Variants in GRIN2B observed in about 807,000 individuals in gnomAD.
GRIN2B encodes the protein glutamate ionotropic receptor NMDA type subunit 2B.
In GRIN2B, 5 loss-of-function variants were observed where a neutral mutation model predicts 114.5. The ratio of observed to expected loss-of-function variants is 0.04; its 90% CI spans 0.02 to 0.09. GRIN2B has a LOEUF of 0.09. Among genes scored for constraint, GRIN2B ranks in the 10% least tolerant of loss-of-function variants. The probability of loss-of-function intolerance (pLI) is 1.00; values close to 1 mark genes in which losing one functional copy is unlikely to be tolerated. For missense variants in GRIN2B, 1,108 were observed against 1,943.5 expected, an observed-to-expected ratio of 0.57 and a Z score of 8.08; for synonymous variants, 787 against 745.1, an observed-to-expected ratio of 1.06 and a Z score of -0.92.
chr12:13,972,437 G>T (rs1375674608), intron 2 of GRIN2B, among the ~76,000 whole-genome samples: 2 of 137,340 alleles, frequency 1.5e-5, no homozygotes, highest in African/African-American at 5.0e-5. Flanking sequence ...CACCTCCTAA[G>T]ACCACCACCT....
intron 3 of GRIN2B, among the ~76,000 whole-genome samples, chr12:13,861,567 A>G (rs553549207): frequency 6.6e-6 from 1 of 152,336 alleles, no homozygotes; most frequent in Admixed American, 6.5e-5. Flanking sequence ...CTCCATTACT[A>G]TTCGAAACAG....
intron 2 of GRIN2B, among the ~76,000 whole-genome samples, chr12:13,952,097 C>T (rs574088111): frequency 1.1e-4 from 16 of 151,576 alleles, no homozygotes; most frequent in African/African-American, 3.9e-4. Context: ...AGAAAGAAGT[C>T]AACGTGTATA....
At chr12:13,962,485 C>T (rs1374613551) in intron 2 of GRIN2B, among the ~76,000 whole-genome samples, 3 of 152,148 alleles carry the variant, frequency 2.0e-5, no homozygotes, top group Non-Finnish European at 4.4e-5. Context: ...AAGTAGGCAC[C>T]GTACTACAAA....
At chr12:13,697,932 T>A (rs1243278137) in intron 4 of GRIN2B, among the ~76,000 whole-genome samples, 1 of 152,218 alleles carries the variant, frequency 6.6e-6, no homozygotes, top group Non-Finnish European at 1.5e-5. Context: ...AAGTCACAGA[T>A]AAGATCACTT....
chr12:13,615,803 T>C lies in GRIN2B; in HGVS notation c.1329-139A>G, dbSNP rs913733137. On this transcript the variant is annotated intron_variant, in intron 6 of 13. Coordinates refer to ENST00000609686, the MANE Select transcript of GRIN2B (RefSeq NM_000834.5). The surrounding 1 kb of genome is among the most constrained non-coding windows in gnomAD (Gnocchi z 5.8). ...CAGCTCAGCACAATTTATACTAGAC[T>C]CGAGTGAAGAAATAAAGCAGGCAAC... 1.4e-6 allele frequency: 1 copy of C among 727,622 alleles called. No homozygotes were observed. The highest frequency in any genetic ancestry group is 2.5e-6 in the Non-Finnish European group (1 of 403,808). 45.1% of individuals were successfully genotyped at this position (727,622 alleles called of 1,614,324 possible).
intron 3 of GRIN2B, among the ~76,000 whole-genome samples, chr12:13,801,370 C>G (rs1320549255): frequency 6.6e-6 from 1 of 151,804 alleles, no homozygotes; most frequent in East Asian, 1.9e-4. Context: ...TTTTTTCATC[C>G]CTATATCTTT....
At chr12:13,920,234 A>AG (rs1478670275) in intron 2 of GRIN2B, among the ~76,000 whole-genome samples, 3 of 58,636 alleles carry the variant, frequency 5.1e-5, no homozygotes, top group Non-Finnish European at 1.4e-4. Flanking sequence ...CCCTATCTCA[A>AG]GAAAAAAAAA....
At chr12:13,833,859 T>C (rs1332694968) in intron 3 of GRIN2B, among the ~76,000 whole-genome samples, 2 of 151,680 alleles carry the variant, frequency 1.3e-5, no homozygotes, top group African/African-American at 4.9e-5. Flanking sequence ...TCCTCCCTAA[T>C]GAAGATTACA....
chr12:13,746,246 C>T (rs1863380855), intron 4 of GRIN2B, among the ~76,000 whole-genome samples: 1 of 152,160 alleles, frequency 6.6e-6, no homozygotes. Flanking sequence ...AGTAAGTACT[C>T]AAAAAGGCAA....
chr12:13,939,621 T>C (rs529932519), intron 2 of GRIN2B, among the ~76,000 whole-genome samples: 1 of 144,462 alleles, frequency 6.9e-6, no homozygotes, highest in South Asian at 2.3e-4. Flanking sequence ...GTAGTGCAAT[T>C]TTGGCTCACT....
At chr12:13,696,844 C>G (rs1950263944) in intron 4 of GRIN2B, among the ~76,000 whole-genome samples, 1 of 152,142 alleles carries the variant, frequency 6.6e-6, no homozygotes, top group Non-Finnish European at 1.5e-5. Flanking sequence ...AACTCCAAAA[C>G]TTATTGTAGG....
At chr12:13,569,546 C>T (rs991190993) in intron 12 of GRIN2B, among the ~76,000 whole-genome samples, 2 of 152,124 alleles carry the variant, frequency 1.3e-5, no homozygotes, top group African/African-American at 4.8e-5. Context: ...ACAGATTCTC[C>T]CTTGCAGACC....
At chr12:13,658,733 C>T (rs142556677) in intron 5 of GRIN2B, among the ~76,000 whole-genome samples, 4 of 152,226 alleles carry the variant, frequency 2.6e-5, no homozygotes, top group African/African-American at 9.6e-5. Context: ...AACAGAGCTA[C>T]ATTGTTCTGT....
intron 5 of GRIN2B, among the ~76,000 whole-genome samples, chr12:13,665,628 A>G (rs1209371434): frequency 1.3e-5 from 2 of 152,138 alleles, no homozygotes; most frequent in African/African-American, 2.4e-5. Flanking sequence ...AAATCATGTG[A>G]CCTCTGATCC....
chr12:13,977,227 A>T (rs1298583391), intron 2 of GRIN2B: 1 of 152,154 alleles, frequency 6.6e-6, no homozygotes, highest in Non-Finnish European at 1.5e-5. Flanking sequence ...CAAAAATTGC[A>T]TATATACATT....
intron 4 of GRIN2B, 87 bp from the exon 5 acceptor site, chr12:13,675,946 C>A: frequency 1.3e-6 from 1 of 773,424 alleles, no homozygotes; most frequent in South Asian, 1.4e-5. Context: ...AGAAAGCTGG[C>A]TGGAGACAGA....
intron 3 of GRIN2B, among the ~76,000 whole-genome samples, chr12:13,824,265 T>C (rs887428762): frequency 2.0e-5 from 3 of 152,192 alleles, no homozygotes; most frequent in African/African-American, 7.2e-5. Context: ...GCATTATCTT[T>C]ACAAGAAAAG....
At chr12:13,824,880 C>T (rs1865003474) in intron 3 of GRIN2B, among the ~76,000 whole-genome samples, 1 of 135,996 alleles carries the variant, frequency 7.4e-6, no homozygotes, top group South Asian at 2.6e-4. Context: ...AAAAAAAAAT[C>T]CAGCTTTAGG....
intron 2 of GRIN2B, among the ~76,000 whole-genome samples, chr12:13,909,009 C>T (rs762931034): frequency 6.6e-6 from 1 of 152,172 alleles, no homozygotes; most frequent in Non-Finnish European, 1.5e-5. Flanking sequence ...GTCCACCATG[C>T]TCACTATAAA....
Sources: gnomAD v4.1 joint callset for allele counts (sites outside exome capture counted in the v4.1 genomes callset) on GRCh38, gnomAD v4.1.1 for gene constraint, Gnocchi (gnomAD v3.1) non-coding constraint, MANE v1.5 for transcripts, NCBI Gene and HGNC (gene_info 2026-07-23, HGNC 2026-07-21) for gene names.